Variants in FMNL2 observed in about 807,000 individuals in gnomAD.
FMNL2 encodes formin like 2.
In FMNL2, 51 loss-of-function variants were observed where a neutral mutation model predicts 130.2. The ratio of observed to expected loss-of-function variants is 0.39; its 90% CI spans 0.31 to 0.49. The LOEUF (loss-of-function observed/expected upper bound fraction) is 0.49. FMNL2 is among the 20% of genes least tolerant of loss of function. The probability of loss-of-function intolerance (pLI) is 0.85; values close to 1 mark genes in which losing one functional copy is unlikely to be tolerated. For synonymous variants in FMNL2, 465 were observed against 467.1 expected (o/e 1.00, Z 0.06); for missense variants, 977 against 1,316.2 (o/e 0.74, Z 3.99).
chr2:152,375,311 A>G (rs1579511841), intron 1 of FMNL2, among the ~76,000 whole-genome samples: 1 of 152,344 alleles, frequency 6.6e-6, no homozygotes, highest in East Asian at 1.9e-4. Flanking sequence ...CTCTACCAGC[A>G]GTAGCTCTTC....
chr2:152,631,915 T>C, intron 20 of FMNL2, 93 bp from the exon 21 acceptor site: 3 of 1,397,166 alleles, frequency 2.1e-6, no homozygotes, highest in Non-Finnish European at 2.9e-6. Context: ...TGTTACTCAG[T>C]TAATGACTCT....
chr2:152,579,070 T>C, intron 8 of FMNL2, 106 bp downstream of exon 8: 1 of 885,076 alleles, frequency 1.1e-6, no homozygotes, highest in Non-Finnish European at 1.7e-6. Context: ...TGTTAATCTC[T>C]GAAATAAGAT....
At chr2:152,639,838 T>C in intron 23 of FMNL2, 120 bp from the exon 24 acceptor site, 2 of 650,530 alleles carry the variant, frequency 3.1e-6, no homozygotes, top group Non-Finnish European at 4.5e-6. Flanking sequence ...GTAGATCTTC[T>C]CAACCTTCCA....
At chr2:152,510,658 TC>T (rs777887487) in intron 1 of FMNL2, among the ~76,000 whole-genome samples, 40 of 152,352 alleles carry the variant, frequency 2.6e-4, no homozygotes, top group Non-Finnish European at 3.7e-4. Flanking sequence ...AACACTTACT[TC>T]ATGGTCTTTT....
chr2:152,583,563 A>C (rs1268370290), intron 9 of FMNL2, among the ~76,000 whole-genome samples: 1 of 152,180 alleles, frequency 6.6e-6, no homozygotes, highest in African/African-American at 2.4e-5. Context: ...AAGAAGCTGG[A>C]GATTTCTCAG....
At chr2:152,405,371 T>C (rs1685928867) in intron 1 of FMNL2, among the ~76,000 whole-genome samples, 1 of 152,158 alleles carries the variant, frequency 6.6e-6, no homozygotes, top group Non-Finnish European at 1.5e-5. Flanking sequence ...AACTGACCAG[T>C]ACCTAGAATG....
intron 1 of FMNL2, among the ~76,000 whole-genome samples, chr2:152,375,917 A>G (rs1175354970): frequency 1.4e-5 from 2 of 138,570 alleles, no homozygotes; most frequent in East Asian, 4.8e-4. Context: ...ATTTTTTGAG[A>G]CAGTCTTGCT....
In FMNL2 at chr2:152,648,002, C is replaced by T; in HGVS notation, c.*97C>T. 9.9e-7 allele frequency: 1 copy of T among 1,010,158 alleles called. No homozygotes were observed. Among genetic ancestry groups the T allele is most frequent in the Non-Finnish European group, 1.5e-6 (1 of 688,394 alleles). The allele number at this position is 1,010,158 out of a possible 1,614,324, so 62.6% of individuals were successfully genotyped here. ...ATTTAACTGCAGCCTTGAACACACA[C>T]AAAAATATTCTTAAGGGCTCAGATT... is the stretch of plus-strand genomic sequence containing the variant. On this transcript the variant is annotated 3_prime_UTR_variant, in exon 26 of 26. Transcript: ENST00000288670.
At chr2:152,453,990 TGGCTGGGCGCAGTAGCTCAC>T (rs1688802449) in intron 1 of FMNL2, among the ~76,000 whole-genome samples, 1 of 152,202 alleles carries the variant, frequency 6.6e-6, no homozygotes, top group African/African-American at 2.4e-5. Flanking sequence ...ATATGTTTTC[TGGCTGGGCGCAGTAGCTCAC>T]GCCTATAACC....
intron 2 of FMNL2, among the ~76,000 whole-genome samples, chr2:152,539,943 A>G (rs1040453440): frequency 3.9e-5 from 6 of 152,134 alleles, no homozygotes; most frequent in African/African-American, 1.2e-4. Flanking sequence ...TTAGAAAATT[A>G]GCTGGGCGTG....
At chr2:152,617,542 G>A (rs1156378607) in intron 13 of FMNL2, among the ~76,000 whole-genome samples, 1 of 152,140 alleles carries the variant, frequency 6.6e-6, no homozygotes, top group African/African-American at 2.4e-5. Context: ...ATTTTTATTA[G>A]GACTTGAGCT....
chr2:152,595,681 A>T (rs1182804613), intron 9 of FMNL2, among the ~76,000 whole-genome samples: 2 of 152,162 alleles, frequency 1.3e-5, no homozygotes, highest in African/African-American at 2.4e-5. Context: ...GGGTGGATTC[A>T]TTCAGTATGA....
At position 152,623,005 on chromosome 2, in the gene FMNL2, A is replaced by G. The variant is rs148733515; in HGVS notation, c.1838-2433A>G. Among the ~76,000 whole-genome samples the G allele has an allele frequency of 1.4e-4, 22 of 152,126 alleles. 2 individuals are homozygous for G. In the Middle Eastern group the frequency reaches 0.01, roughly 71 times the overall value. The stretch of plus-strand genomic sequence containing the variant: ...GACACAGTGTGTCCAGTGGTCACCT[A>G]TGTGCTTTCCTCCTCTTCCCACTCC... On this transcript the variant is annotated intron_variant, in intron 15 of 25. Coordinates refer to ENST00000288670, the MANE Select transcript of FMNL2 (RefSeq NM_052905.4).
chr2:152,407,801 A>G (rs1686069743), intron 1 of FMNL2, among the ~76,000 whole-genome samples: 2 of 152,188 alleles, frequency 1.3e-5, no homozygotes, highest in African/African-American at 2.4e-5. Context: ...CCAGGGAGAA[A>G]TGGATTTTCT....
intron 6 of FMNL2, among the ~76,000 whole-genome samples, chr2:152,571,869 G>A (rs555153718): frequency 1.3e-3 from 189 of 148,990 alleles, no homozygotes; most frequent in Middle Eastern, 3.4e-3. Context: ...CGGTTTGAAT[G>A]TTAATTGGTG....
intron 1 of FMNL2, among the ~76,000 whole-genome samples, chr2:152,378,207 G>A (rs1179801841): frequency 6.6e-6 from 1 of 152,070 alleles, no homozygotes; most frequent in Non-Finnish European, 1.5e-5. Flanking sequence ...CAAGTCATAG[G>A]GACTGCCTTG....
intron 25 of FMNL2, among the ~76,000 whole-genome samples, chr2:152,646,888 G>C (rs995262210): frequency 1.3e-5 from 2 of 152,118 alleles, no homozygotes; most frequent in Non-Finnish European, 2.9e-5. Context: ...CTAGCTACCT[G>C]ACTTACTCAA....
At chr2:152,562,555 C>T (rs1695588613) in intron 6 of FMNL2, among the ~76,000 whole-genome samples, 1 of 152,152 alleles carries the variant, frequency 6.6e-6, no homozygotes, top group South Asian at 2.1e-4. Flanking sequence ...TCCAGTAAAT[C>T]ATTTAGATTT....
At chr2:152,459,847 G>A (rs1365722587) in intron 1 of FMNL2, among the ~76,000 whole-genome samples, 1 of 152,064 alleles carries the variant, frequency 6.6e-6, no homozygotes, top group East Asian at 1.9e-4. Context: ...TAGGTAAAAT[G>A]GAAAAGAAAA....
Sources: gnomAD v4.1 joint callset for allele counts (sites outside exome capture counted in the v4.1 genomes callset) on GRCh38, gnomAD v4.1.1 for gene constraint, MANE v1.5 for transcripts, NCBI Gene and HGNC (gene_info 2026-07-23, HGNC 2026-07-21) for gene names.